Variants in TRIO observed in about 807,000 individuals in gnomAD.
The protein encoded by TRIO is trio Rho guanine nucleotide exchange factor.
A neutral mutation model predicts 351.9 loss-of-function variants in TRIO; 58 were observed. The ratio of observed to expected loss-of-function variants is 0.16; its 90% CI spans 0.13 to 0.21. The LOEUF (loss-of-function observed/expected upper bound fraction) is 0.21, where lower values mean the gene tolerates loss of function less well. TRIO is among the 10% of genes least tolerant of loss of function. The pLI, the probability that TRIO is intolerant of heterozygous loss-of-function variation, is 1.00. For missense variants in TRIO, 3,201 were observed against 4,027.8 expected (o/e 0.79, Z 5.56); for synonymous variants, 1,758 against 1,595.7 (o/e 1.10, Z -2.42).
chr5:14,444,452 G>GC (rs1707061395), intron 34 of TRIO, among the ~76,000 whole-genome samples: 1 of 152,198 alleles, frequency 6.6e-6, no homozygotes, highest in South Asian at 2.1e-4. Flanking sequence ...AATGGTTTAA[G>GC]ACAGGATGTG....
chr5:14,388,749 T>C, intron 24 of TRIO, 70 bp downstream of exon 24: 1 of 1,509,762 alleles, frequency 6.6e-7, no homozygotes, highest in Non-Finnish European at 9.0e-7. Flanking sequence ...ATTTTATTCT[T>C]ACCTGTTGGT....
chr5:14,506,994 G>T (rs1245772050), intron 55 of TRIO, 128 bp from the exon 56 acceptor site: 1 of 1,301,144 alleles, frequency 7.7e-7, no homozygotes, highest in South Asian at 1.8e-5. Context: ...CGCCTTAGAG[G>T]CACGGCCCTG....
At chr5:14,400,872 A>C (rs1479016536) in intron 30 of TRIO, 91 bp from the exon 31 acceptor site, 1 of 1,195,302 alleles carries the variant, frequency 8.4e-7, no homozygotes, top group Non-Finnish European at 1.2e-6. Flanking sequence ...TAACATGGCC[A>C]CAAGTAACCA....
chr5:14,424,407 TA>T (rs1307082363), intron 34 of TRIO, among the ~76,000 whole-genome samples: 1 of 152,120 alleles, frequency 6.6e-6, no homozygotes, highest in African/African-American at 2.4e-5. Context: ...CTCCTTTGGA[TA>T]GAGAAAAAGT....
rs185184509 is a variant in TRIO, at chr5:14,406,223, C to T, written c.4859+233C>T. 75 of 637,388 alleles carry T rather than the reference C, an allele frequency of 1.2e-4. 1 individual carries two copies. In the African/African-American group the frequency reaches 1.3e-3, roughly 11 times the overall value. 39.5% of individuals were successfully genotyped at this position (637,388 alleles called of 1,614,324 possible). On this transcript the variant is annotated intron_variant, in intron 32 of 56. Transcript: ENST00000344204. ...GTGTGCAAACCTCTCATTGTTTTGC[C>T]TTTCTCACCCCGAGCACCATACAGG... is the stretch of plus-strand genomic sequence containing the variant.
At chr5:14,372,275 A>T (rs896944554) in intron 18 of TRIO, among the ~76,000 whole-genome samples, 1 of 149,164 alleles carries the variant, frequency 6.7e-6, no homozygotes, top group Non-Finnish European at 1.5e-5. Context: ...AGAGAGAGAG[A>T]GTGCAGGCGA....
chr5:14,353,645 A>G (rs1303623598), intron 11 of TRIO, among the ~76,000 whole-genome samples: 10 of 152,278 alleles, frequency 6.6e-5, no homozygotes, highest in Admixed American at 6.5e-5. Context: ...TAACTTGTCA[A>G]AGTTACACCC....
In TRIO at chr5:14,433,522, C is replaced by T. The variant is rs78740157; in HGVS notation, c.5203+13501C>T. Among the ~76,000 whole-genome samples, 1,166 of 152,190 alleles carry T rather than the reference C, an allele frequency of 7.7e-3. 8 individuals are homozygous for T. Among genetic ancestry groups the T allele is most frequent in the African/African-American group, 0.026 (1,085 of 41,492 alleles). On this transcript the variant is annotated intron_variant, in intron 34 of 56. Transcript: ENST00000344204. ...GTGGACATATTGTGCAGAGCGGAAA[C>T]GCATGGGGAAGAAAACAAGGGCCAG... is the stretch of plus-strand genomic sequence containing the variant.
At chr5:14,327,148 T>C (rs979303880) in intron 9 of TRIO, among the ~76,000 whole-genome samples, 9 of 152,190 alleles carry the variant, frequency 5.9e-5, no homozygotes, top group Non-Finnish European at 1.0e-4. Context: ...GAAACAAATT[T>C]CTTTTTTATT....
At chr5:14,465,431 T>C (rs1009621854) in intron 36 of TRIO, 114 bp from the exon 37 acceptor site, 11 of 982,586 alleles carry the variant, frequency 1.1e-5, no homozygotes, top group Admixed American at 2.2e-5. Context: ...CTTGTGGTCT[T>C]TTTGTCTGGA....
intron 10 of TRIO, among the ~76,000 whole-genome samples, chr5:14,331,159 T>C (rs1268465311): frequency 6.6e-6 from 1 of 152,258 alleles, no homozygotes; most frequent in Non-Finnish European, 1.5e-5. Context: ...ATTATACCAG[T>C]GCCTTTTGAC....
At chr5:14,169,421 C>T (rs1378635545) in intron 1 of TRIO, among the ~76,000 whole-genome samples, 1 of 150,824 alleles carries the variant, frequency 6.6e-6, no homozygotes, top group Non-Finnish European at 1.5e-5. Context: ...CTAATATTGA[C>T]TGAAAGATGG....
At chr5:14,313,726 A>G (rs1284279929) in intron 8 of TRIO, among the ~76,000 whole-genome samples, 2 of 152,182 alleles carry the variant, frequency 1.3e-5, no homozygotes, top group South Asian at 2.1e-4. Context: ...CCTCAGAGTC[A>G]TCAATAACTG....
chr5:14,217,825 T>G (rs551144525), intron 1 of TRIO, among the ~76,000 whole-genome samples: 10 of 152,200 alleles, frequency 6.6e-5, no homozygotes, highest in Non-Finnish European at 1.3e-4. Flanking sequence ...ATTCCCAGCC[T>G]GACACATGGC....
At chr5:14,458,805 A>G (rs1157875343) in intron 34 of TRIO, among the ~76,000 whole-genome samples, 2 of 152,154 alleles carry the variant, frequency 1.3e-5, no homozygotes, top group South Asian at 4.1e-4. Context: ...AACTGTGTCT[A>G]CCTCATTTGC....
At chr5:14,266,035 T>C (rs1410824472) in intron 1 of TRIO, among the ~76,000 whole-genome samples, 1 of 152,126 alleles carries the variant, frequency 6.6e-6, no homozygotes, top group Non-Finnish European at 1.5e-5. Context: ...ATTGATTGAT[T>C]CATTCATTCA....
chr5:14,456,697 A>G (rs1753338107), intron 34 of TRIO, among the ~76,000 whole-genome samples: 2 of 152,164 alleles, frequency 1.3e-5, no homozygotes, highest in African/African-American at 4.8e-5. Flanking sequence ...AGAATTCTAG[A>G]GCTCTGTGTT....
intron 1 of TRIO, among the ~76,000 whole-genome samples, chr5:14,264,824 T>A (rs1010539689): frequency 6.6e-6 from 1 of 151,848 alleles, no homozygotes; most frequent in Non-Finnish European, 1.5e-5. Context: ...CCTCTGCGCG[T>A]GCGCTTGCGG....
At chr5:14,357,209 C>T (rs567976487) in intron 11 of TRIO, among the ~76,000 whole-genome samples, 8 of 152,356 alleles carry the variant, frequency 5.3e-5, no homozygotes, top group South Asian at 2.1e-4. Context: ...GCAGGCGTTG[C>T]ACAGGGTATC....
Sources: allele counts gnomAD v4.1 joint callset (sites outside exome capture counted in the v4.1 genomes callset), GRCh38; gene constraint gnomAD v4.1.1; transcripts MANE v1.5; gene names NCBI Gene and HGNC (gene_info 2026-07-23, HGNC 2026-07-21).